Variants in DIP2C observed in about 807,000 individuals in gnomAD.
DIP2C encodes the protein DIP2 acetate--CoA ligase C (putative).
In DIP2C, 33 loss-of-function variants were observed where a neutral mutation model predicts 192.4. The ratio of observed to expected loss-of-function variants is 0.17; its 90% confidence interval spans 0.13 to 0.23. The LOEUF (loss-of-function observed/expected upper bound fraction) is 0.23. Among genes scored for constraint, DIP2C ranks in the 10% least tolerant of loss-of-function variants. The pLI is 1.00. For synonymous variants in DIP2C, 979 were observed against 864.1 expected (o/e 1.13, Z -2.33); for missense variants, 1,537 against 2,110.1 (o/e 0.73, Z 5.32).
chr10:545,466 T>A (rs1848235911), intron 1 of DIP2C, among the ~76,000 whole-genome samples: 1 of 152,132 alleles, frequency 6.6e-6, no homozygotes, highest in South Asian at 2.1e-4. Context: ...ATGACTGGTG[T>A]TCTTATAATA....
intron 1 of DIP2C, among the ~76,000 whole-genome samples, chr10:540,650 A>C (rs1414223722): frequency 6.6e-6 from 1 of 152,244 alleles, no homozygotes; most frequent in Non-Finnish European, 1.5e-5. Flanking sequence ...TGACAGTGTG[A>C]ACGCACTTAA....
intron 32 of DIP2C, among the ~76,000 whole-genome samples, chr10:307,114 C>G (rs900725855): frequency 3.3e-5 from 5 of 152,226 alleles, no homozygotes. Flanking sequence ...GAGTGAAGCT[C>G]CCTGAAGCCT....
At chr10:620,504 C>T (rs796433991) in intron 1 of DIP2C, among the ~76,000 whole-genome samples, 4 of 152,114 alleles carry the variant, frequency 2.6e-5, no homozygotes, top group African/African-American at 4.8e-5. Context: ...GCTATGGCAC[C>T]GTCGTACTAA....
intron 36 of DIP2C, among the ~76,000 whole-genome samples, chr10:277,973 G>C (rs529577127): frequency 6.6e-6 from 1 of 152,208 alleles, no homozygotes. Flanking sequence ...AGGCAGCCCT[G>C]TGCCTCCTGC....
At chr10:499,394 C>T (rs761019111) in intron 1 of DIP2C, among the ~76,000 whole-genome samples, 13 of 152,206 alleles carry the variant, frequency 8.5e-5, no homozygotes, top group Non-Finnish European at 1.8e-4. Flanking sequence ...CCAAGACTCT[C>T]TAATTTATAA....
intron 1 of DIP2C, among the ~76,000 whole-genome samples, chr10:590,552 T>G (rs1240295850): frequency 6.6e-6 from 1 of 152,202 alleles, no homozygotes; most frequent in Non-Finnish European, 1.5e-5. Context: ...GGTGCCAGCT[T>G]TGACTCATTC....
In DIP2C at chr10:561,970, G is replaced by A. The variant is rs1483745770; in HGVS notation, c.86-75440C>T. ...GAGACCCTCCTGCACCAGCCGGGCC[G>A]TGCACCTGTTCCTACAACTGCTGTC... On this transcript the variant is annotated intron_variant, in intron 1 of 36. Transcript: ENST00000280886. Among the ~76,000 whole-genome samples the A allele has an allele frequency of 7.9e-5, 12 of 152,348 alleles. No individual in the cohort carries two copies. In the East Asian group the frequency reaches 1.4e-3, roughly 17 times the overall value.
intron 1 of DIP2C, among the ~76,000 whole-genome samples, chr10:551,717 C>T (rs1490606116): frequency 3.3e-5 from 5 of 152,216 alleles, no homozygotes. Flanking sequence ...GCAAACACAG[C>T]CATCTTGCCC....
At chr10:377,254 G>A (rs757063996) in intron 17 of DIP2C, among the ~76,000 whole-genome samples, 9 of 150,448 alleles carry the variant, frequency 6.0e-5, no homozygotes, top group East Asian at 2.0e-4. Flanking sequence ...CATAAGCCTT[G>A]GCCACCTTTC....
chr10:393,205 A>ACT (rs1963637212), intron 10 of DIP2C, among the ~76,000 whole-genome samples: 1 of 152,240 alleles, frequency 6.6e-6, no homozygotes, highest in African/African-American at 2.4e-5. Flanking sequence ...CTAGGTTCTC[A>ACT]TCAGGGTCTT....
chr10:305,994 T>TATATATATATATATATATATACATA (rs201950305), intron 32 of DIP2C, among the ~76,000 whole-genome samples: 1 of 148,674 alleles, frequency 6.7e-6, no homozygotes, highest in Non-Finnish European at 1.5e-5. Context: ...TATATATATA[T>TATATATATATATATATATATACATA]TATATTTTTT....
chr10:374,506 G>A (rs1415082726), intron 17 of DIP2C, among the ~76,000 whole-genome samples: 1 of 152,232 alleles, frequency 6.6e-6, no homozygotes, highest in Non-Finnish European at 1.5e-5. Context: ...GCAGGGGCGA[G>A]GAGGGCTGAG....
intron 4 of DIP2C, among the ~76,000 whole-genome samples, chr10:437,008 C>T (rs1967299501): frequency 6.9e-6 from 1 of 145,898 alleles, no homozygotes; most frequent in Admixed American, 6.8e-5. Context: ...CCATGCTCCA[C>T]CCACACCTGA....
chr10:414,835 TACAC>T (rs1157124894), intron 7 of DIP2C, among the ~76,000 whole-genome samples: 1 of 138,426 alleles, frequency 7.2e-6, no homozygotes, highest in Non-Finnish European at 1.5e-5. Flanking sequence ...AATATATATA[TACAC>T]ACACATATAT....
At chr10:324,961 T>C (rs773632563) in intron 31 of DIP2C, 1 of 532,890 alleles carries the variant, frequency 1.9e-6, no homozygotes, top group South Asian at 1.4e-5. Context: ...TCCTTCCTTG[T>C]AAACCATCTT....
chr10:360,792 G>C (rs1959385424), intron 22 of DIP2C, among the ~76,000 whole-genome samples: 1 of 152,218 alleles, frequency 6.6e-6, no homozygotes, highest in Non-Finnish European at 1.5e-5. Flanking sequence ...CATTAACTGA[G>C]TAAATATGAA....
intron 9 of DIP2C, 149 bp downstream of exon 9, chr10:408,777 T>C (rs779518758): frequency 6.2e-5 from 41 of 665,722 alleles, no homozygotes; most frequent in Non-Finnish European, 6.2e-5. Flanking sequence ...ATCTGTCCTG[T>C]GTAACTTACC....
At chr10:627,454 G>A (rs72774586) in intron 1 of DIP2C, among the ~76,000 whole-genome samples, 4 of 151,066 alleles carry the variant, frequency 2.6e-5, no homozygotes, top group Non-Finnish European at 5.9e-5. Flanking sequence ...AGGAAAAAGC[G>A]GGCATCTTCT....
intron 35 of DIP2C, among the ~76,000 whole-genome samples, chr10:282,954 G>A (rs1763981644): frequency 6.6e-6 from 1 of 152,252 alleles, no homozygotes; most frequent in Admixed American, 6.5e-5. Flanking sequence ...AGGAGACTCT[G>A]TGGTCTGAGA....
Sources: allele counts gnomAD v4.1 joint callset (sites outside exome capture counted in the v4.1 genomes callset), GRCh38; gene constraint gnomAD v4.1.1; transcripts MANE v1.5; gene names NCBI Gene and HGNC (gene_info 2026-07-23, HGNC 2026-07-21).